POR: variants seen among roughly 807,000 people sequenced by gnomAD.
The protein encoded by POR is NADPH--cytochrome P450 reductase.
Under a neutral mutation model 84.0 loss-of-function variants are expected in POR, and 56 were observed. That is an observed-to-expected ratio of 0.67 (90% CI 0.54 to 0.83). The LOEUF (loss-of-function observed/expected upper bound fraction) is 0.83. Among genes scored for constraint, POR ranks in the 40% least tolerant of loss-of-function variants. POR has a pLI of 0.00. For synonymous variants in POR, 414 were observed against 400.5 expected, an observed-to-expected ratio of 1.03 and a Z score of -0.40; for missense variants, 938 against 944.3, an observed-to-expected ratio of 0.99 and a Z score of 0.09.
chr7:75,961,987 C>T (rs902577345), intron 2 of POR, among the ~76,000 whole-genome samples: 1 of 151,882 alleles, frequency 6.6e-6, no homozygotes, highest in African/African-American at 2.4e-5. Context: ...GCACTCCAAC[C>T]TGGGTGACAG....
chr7:75,980,908 G>A lies in POR; in HGVS notation c.517-140G>A, dbSNP rs996338162. ...AGTGGCCCAGTGTTCCTTGCAGTGC[G>A]AGGCGCCTGGTGGAACGGAGGCCTG... On this transcript the variant is annotated intron_variant, in intron 5 of 15. Coordinates refer to ENST00000461988, the MANE Select transcript of POR (RefSeq NM_000941.3). 2.9e-5 allele frequency: 34 copies of A among 1,162,930 alleles called. No homozygotes were observed. In the African/African-American group the frequency reaches 3.9e-4, roughly 13 times the overall value. The allele number at this position is 1,162,930 out of a possible 1,614,324, so 72.0% of individuals were successfully genotyped here. A position where few individuals can be genotyped will look rare whatever the true frequency, so the allele number is the denominator to read the frequency against.
chr7:75,979,856 C>G (rs1042810577), intron 4 of POR: 2 of 443,016 alleles, frequency 4.5e-6, no homozygotes, highest in Admixed American at 7.2e-5. Flanking sequence ...CCACATCTCC[C>G]AAACCAAACC....
At chr7:75,957,962 G>C (rs782260848) in intron 2 of POR, among the ~76,000 whole-genome samples, 12 of 152,274 alleles carry the variant, frequency 7.9e-5, no homozygotes, top group South Asian at 2.1e-4. Context: ...CATCAGCCAG[G>C]TGACTTGATC....
At chr7:75,927,251 A>AT in intron 1 of POR, among the ~76,000 whole-genome samples, 1 of 152,278 alleles carries the variant, frequency 6.6e-6, no homozygotes, top group Non-Finnish European at 1.5e-5. Flanking sequence ...CACACCTGTA[A>AT]TCCCAGCACT....
intron 1 of POR, among the ~76,000 whole-genome samples, chr7:75,939,284 T>C (rs548046831): frequency 1.3e-5 from 2 of 152,230 alleles, no homozygotes; most frequent in Non-Finnish European, 2.9e-5. Flanking sequence ...TCTGTGGGAT[T>C]AGGAGCCTGC....
chr7:75,954,602 C>A (rs551412502), intron 2 of POR, among the ~76,000 whole-genome samples: 1 of 151,866 alleles, frequency 6.6e-6, no homozygotes, highest in Non-Finnish European at 1.5e-5. Flanking sequence ...GGCGGTGGCA[C>A]GATCAAGGTT....
Position 75,986,219 on chromosome 7 carries a change from G to GGT in POR, c.1878_1879dup (p.Ala627ValfsTer43). ...GCACCTGTGGAAGTTGATCGAAGGC[G>GGT]GTGCCCACATCTACGTCTGTGGGTG... is the stretch of plus-strand genomic sequence containing the variant. On this transcript the variant is annotated frameshift_variant, in exon 15 of 16. Transcript: ENST00000461988. LOFTEE classifies it high-confidence loss of function. The GGT allele has an allele frequency of 6.2e-7, 1 of 1,612,620 alleles. No individual in the cohort carries two copies. Among genetic ancestry groups the GGT allele is most frequent in the African/African-American group, 1.3e-5 (1 of 75,052 alleles).
intron 2 of POR, among the ~76,000 whole-genome samples, chr7:75,954,592 G>C (rs533212137): frequency 6.6e-6 from 1 of 152,064 alleles, no homozygotes; most frequent in East Asian, 1.9e-4. Flanking sequence ...GGAGTGCAAT[G>C]GCGGTGGCAC....
chr7:75,937,471 CAAAA>C (rs782343328), intron 1 of POR, among the ~76,000 whole-genome samples: 402 of 20,096 alleles, frequency 0.02, 2 homozygotes, highest in African/African-American at 0.062. Flanking sequence ...GACCCTGTCT[CAAAA>C]AAAAAAAAAA....
At chr7:75,963,139 A>G (rs545216607) in intron 2 of POR, among the ~76,000 whole-genome samples, 102 of 152,318 alleles carry the variant, frequency 6.7e-4, no homozygotes, top group Middle Eastern at 3.4e-3. Context: ...ACAGATGGGA[A>G]GTGGATCTGG....
At chr7:75,947,892 G>T (rs1365411959) in intron 1 of POR, among the ~76,000 whole-genome samples, 8 of 152,060 alleles carry the variant, frequency 5.3e-5, no homozygotes, top group African/African-American at 1.9e-4. Flanking sequence ...GTGTGTGTCT[G>T]TGTGCGCGTC....
At position 75,985,854 on chromosome 7, in the gene POR, GTGGGGTCCCA is replaced by G; in HGVS notation, c.1669+11_1669+20del. On this transcript the variant is annotated splice_donor_region_variant and intron_variant, in intron 13 of 15. Transcript: ENST00000461988. ...GGGCCTGGCTGCGACAGCAGGGTGA[GTGGGGTCCCA>G]TGGGGGAGAGGGGGTGACGACTGGG... 6.4e-7 allele frequency: 1 copy of G among 1,551,124 alleles called. No individual in the cohort carries two copies. Among genetic ancestry groups the G allele is most frequent in the African/African-American group, 1.4e-5 (1 of 73,960 alleles).
intron 1 of POR, chr7:75,944,008 T>A (rs554088441): frequency 2.5e-6 from 1 of 392,828 alleles, no homozygotes; most frequent in Admixed American, 3.0e-5. Flanking sequence ...GGAAACGTGC[T>A]CTCCTTGGGA....
intron 10 of POR, among the ~76,000 whole-genome samples, chr7:75,984,153 G>A (rs1789258479): frequency 6.6e-6 from 1 of 152,222 alleles, no homozygotes; most frequent in African/African-American, 2.4e-5. Context: ...ACTGTGTCCT[G>A]CTGGGAAGGA....
intron 1 of POR, among the ~76,000 whole-genome samples, chr7:75,933,814 T>G (rs57282452): frequency 0.017 from 2,533 of 152,278 alleles, 51 homozygotes; most frequent in African/African-American, 0.058. Context: ...ATTTCCCCAT[T>G]GTTAATATTT....
At chr7:75,927,553 A>G (rs1554549675) in intron 1 of POR, among the ~76,000 whole-genome samples, 1 of 152,102 alleles carries the variant, frequency 6.6e-6, no homozygotes, top group East Asian at 1.9e-4. Context: ...TTTTGAGGGT[A>G]TGAAGATGCT....
intron 2 of POR, among the ~76,000 whole-genome samples, chr7:75,967,379 C>T (rs1184999509): frequency 1.3e-5 from 2 of 152,164 alleles, no homozygotes; most frequent in Admixed American, 6.5e-5. Flanking sequence ...CAGGCATTTC[C>T]CCAACTGCCC....
In POR at chr7:75,941,430, G is replaced by A. The variant is rs1807974865; in HGVS notation, c.-4-12559G>A. Reference sequence around the variant, plus strand: ...GACCAGCTCCATATTGCTTTGTGGAGAAGAAACCTGAGTCCTGGGAGGTCA... The same window carrying A: ...GACCAGCTCCATATTGCTTTGTGGAAAAGAAACCTGAGTCCTGGGAGGTCA... On this transcript the variant is annotated intron_variant, in intron 1 of 15. Transcript: ENST00000461988. Among the ~76,000 whole-genome samples the A allele has an allele frequency of 6.6e-5, 10 of 152,120 alleles. No individual in the cohort carries two copies. The South Asian group carries it at 1.9e-3, about 28-fold the overall frequency.
chr7:75,919,993 G>A (rs1554548589), intron 1 of POR, among the ~76,000 whole-genome samples: 1 of 147,936 alleles, frequency 6.8e-6, no homozygotes. Context: ...GGCTAACTTA[G>A]AATATGTTGG....
Sources: gnomAD v4.1 joint callset for allele counts (sites outside exome capture counted in the v4.1 genomes callset) on GRCh38, gnomAD v4.1.1 for gene constraint, MANE v1.5 for transcripts, NCBI Gene and HGNC (gene_info 2026-07-23, HGNC 2026-07-21) for gene names.